The following BRD10 variants were observed in gnomAD, a reference collection of about 807,000 sequenced individuals.
BRD10 encodes the protein bromodomain containing 10.
the BRD10 span, among the ~76,000 whole-genome samples, chr9:5,965,865 A>G: frequency 8.5e-5 from 13 of 152,218 alleles, no homozygotes; most frequent in Non-Finnish European, 1.9e-4. Flanking sequence ...AATAAAGAAG[A>G]ACAGGGTAAA....
the BRD10 span, among the ~76,000 whole-genome samples, chr9:5,943,645 G>A: frequency 6.6e-6 from 1 of 151,422 alleles, no homozygotes; most frequent in Non-Finnish European, 1.5e-5. Context: ...TGAAACAGAT[G>A]GTCTTCCACA....
the BRD10 span, chr9:5,897,561 G>A: frequency 3.2e-5 from 51 of 1,613,862 alleles, no homozygotes; most frequent in Non-Finnish European, 3.9e-5. Context: ...GGCCAGGGCC[G>A]CTGGGATCGG....
the BRD10 span, chr9:5,921,131 C>T: frequency 1.2e-6 from 2 of 1,613,866 alleles, no homozygotes; most frequent in Non-Finnish European, 1.7e-6. Flanking sequence ...AACTGAATTA[C>T]CACTTGTTGA....
At chr9:5,918,220 T>TCCA in the BRD10 span, among the ~76,000 whole-genome samples, 1 of 152,184 alleles carries the variant, frequency 6.6e-6, no homozygotes, top group Non-Finnish European at 1.5e-5. Context: ...CACTACCCTC[T>TCCA]CCACTTTGAT....
chr9:5,990,436 G>A, the BRD10 span, among the ~76,000 whole-genome samples: 1 of 152,098 alleles, frequency 6.6e-6, no homozygotes, highest in Non-Finnish European at 1.5e-5. Context: ...ACAGAACACT[G>A]GGGATAAGGA....
the BRD10 span, among the ~76,000 whole-genome samples, chr9:5,964,778 T>C: frequency 6.5e-5 from 8 of 123,094 alleles, no homozygotes; most frequent in Admixed American, 2.5e-4. Context: ...AAATTGGAAA[T>C]CATCATTCTC....
the BRD10 span, among the ~76,000 whole-genome samples, chr9:5,903,864 T>C: frequency 2.1e-5 from 3 of 143,734 alleles, no homozygotes; most frequent in African/African-American, 5.0e-5. Context: ...ATGCACTTAC[T>C]TTTTTTTTTT....
the BRD10 span, among the ~76,000 whole-genome samples, chr9:5,926,979 C>G: frequency 1.3e-5 from 2 of 151,940 alleles, no homozygotes; most frequent in South Asian, 2.1e-4. Flanking sequence ...TGTAGGTTTT[C>G]AATTATTGTT....
At chr9:5,959,200 C>T in the BRD10 span, among the ~76,000 whole-genome samples, 5 of 152,110 alleles carry the variant, frequency 3.3e-5, no homozygotes, top group Admixed American at 6.5e-5. Flanking sequence ...CATAATCAAT[C>T]CTTACCTGGA....
the BRD10 span, among the ~76,000 whole-genome samples, chr9:5,958,606 C>T: frequency 2.6e-5 from 4 of 151,932 alleles, no homozygotes; most frequent in African/African-American, 9.7e-5. Context: ...GGCAACATAG[C>T]GAGATCCTGT....
chr9:5,919,051 T>G, the BRD10 span: 1 of 152,750 alleles, frequency 6.5e-6, no homozygotes, highest in East Asian at 1.9e-4. Context: ...ACATGCAGAT[T>G]CTTCTGCATT....
At chr9:5,989,445 A>T in the BRD10 span, among the ~76,000 whole-genome samples, 1 of 150,772 alleles carries the variant, frequency 6.6e-6, no homozygotes, top group African/African-American at 2.4e-5. Flanking sequence ...AAAAAAAGAA[A>T]ATTTATATAA....
chr9:5,892,426 A>T, the BRD10 span: 2 of 1,565,630 alleles, frequency 1.3e-6, no homozygotes, highest in Non-Finnish European at 1.7e-6. Context: ...TGCATTAATG[A>T]TGCCCACATG....
chr9:5,982,782 T>C, the BRD10 span, among the ~76,000 whole-genome samples: 3 of 152,190 alleles, frequency 2.0e-5, no homozygotes, highest in South Asian at 2.1e-4. Flanking sequence ...TTTTAGACTA[T>C]GAGAACAGAA....
the BRD10 span, among the ~76,000 whole-genome samples, chr9:5,957,960 C>T: frequency 6.6e-6 from 1 of 152,098 alleles, no homozygotes; most frequent in Non-Finnish European, 1.5e-5. Flanking sequence ...CCTTTTACTT[C>T]CACTGCCCTA....
chr9:6,007,415 C>A, the BRD10 span: 1 of 1,607,586 alleles, frequency 6.2e-7, no homozygotes, highest in Non-Finnish European at 8.5e-7. Flanking sequence ...GCGCGACCGC[C>A]CCGGCCCCCG....
chr9:5,895,989 T>C, the BRD10 span, among the ~76,000 whole-genome samples: 1 of 152,202 alleles, frequency 6.6e-6, no homozygotes, highest in Non-Finnish European at 1.5e-5. Flanking sequence ...ATCAGCTGCC[T>C]TCAGTCACGA....
chr9:5,953,607 A>G, the BRD10 span, among the ~76,000 whole-genome samples: 1 of 152,026 alleles, frequency 6.6e-6, no homozygotes, highest in Non-Finnish European at 1.5e-5. Context: ...AAAACGAACT[A>G]TCTAGGCACT....
the BRD10 span, chr9:5,929,304 C>T: frequency 6.0e-6 from 3 of 498,612 alleles, no homozygotes; most frequent in East Asian, 9.8e-5. Context: ...GGAAAATATC[C>T]TGTAATAAAT....
Sources: gnomAD v4.1 joint callset for allele counts (sites outside exome capture counted in the v4.1 genomes callset) on GRCh38, gnomAD v4.1.1 for gene constraint, MANE v1.5 for transcripts, NCBI Gene and HGNC (gene_info 2026-07-23, HGNC 2026-07-21) for gene names.